Variants in LHFPL4 observed in about 807,000 individuals in gnomAD.
LHFPL4 encodes LHFPL tetraspan subfamily member 4, also known as LHFPL tetraspan subfamily member 4 protein.
Under a neutral mutation model 20.0 loss-of-function variants are expected in LHFPL4, and 6 were observed. That is an observed-to-expected ratio of 0.30 (90% CI 0.16 to 0.59). The LOEUF (loss-of-function observed/expected upper bound fraction) is 0.59, where lower values mean the gene tolerates loss of function less well. LHFPL4 is among the 20% of genes least tolerant of loss of function. The probability of loss-of-function intolerance (pLI) is 0.88; values close to 1 mark genes in which losing one functional copy is unlikely to be tolerated. For missense variants in LHFPL4, 215 were observed against 331.2 expected (o/e 0.65, Z 2.72); for synonymous variants, 129 against 143.8 (o/e 0.90, Z 0.74).
chr3:9,536,254 C>G (rs1280378088), intron 2 of LHFPL4, among the ~76,000 whole-genome samples: 1 of 152,232 alleles, frequency 6.6e-6, no homozygotes, highest in Non-Finnish European at 1.5e-5. Context: ...GAGCACTCAG[C>G]TCTGTTCCTG....
At chr3:9,533,656 C>A (rs533707044) in intron 2 of LHFPL4, among the ~76,000 whole-genome samples, 1 of 152,206 alleles carries the variant, frequency 6.6e-6, no homozygotes, top group South Asian at 2.1e-4. Flanking sequence ...GTGGCGGGCG[C>A]CTGTAGTCCC....
At chr3:9,538,429 G>C (rs1436511952) in intron 2 of LHFPL4, among the ~76,000 whole-genome samples, 2 of 152,138 alleles carry the variant, frequency 1.3e-5, no homozygotes, top group Non-Finnish European at 2.9e-5. Flanking sequence ...CCTTGTTCTA[G>C]CACAGGCCAT....
At chr3:9,512,988 T>G (rs2046271049) in intron 2 of LHFPL4, among the ~76,000 whole-genome samples, 1 of 152,186 alleles carries the variant, frequency 6.6e-6, no homozygotes. Flanking sequence ...AGACGGAGTC[T>G]CACTCAGTCG....
chr3:9,505,077 A>C (rs2046207617), intron 3 of LHFPL4, among the ~76,000 whole-genome samples: 1 of 151,926 alleles, frequency 6.6e-6, no homozygotes, highest in Non-Finnish European at 1.5e-5. Context: ...CCTCCTGTCC[A>C]TGGCCATTGG....
intron 2 of LHFPL4, among the ~76,000 whole-genome samples, chr3:9,523,992 C>A (rs369248488): frequency 2.6e-4 from 37 of 141,440 alleles, no homozygotes; most frequent in Admixed American, 1.5e-3. Context: ...TTCCCCCCCC[C>A]CCAACACTTT....
At position 9,500,224 on chromosome 3, in the gene LHFPL4, T is replaced by G. The variant is rs2046161755; in HGVS notation, c.*1987A>C. 1 of 152,354 alleles carries G rather than the reference T, an allele frequency of 6.6e-6. No individual in the cohort carries two copies. The highest frequency in any genetic ancestry group is 2.1e-4 in the South Asian group (1 of 4,802). 9.4% of individuals were successfully genotyped at this position (152,354 alleles called of 1,614,324 possible). A position where few individuals can be genotyped will look rare whatever the true frequency, so the allele number is the denominator to read the frequency against. On this transcript the variant is annotated 3_prime_UTR_variant, in exon 4 of 4. Transcript: ENST00000287585. The stretch of plus-strand genomic sequence containing the variant: ...TAACTCTGCTCTCCCCCTCCAACGC[T>G]GGGCTTGGTTTGCATCTTTGAGGAA...
At chr3:9,507,158 C>T (rs760196752) in intron 2 of LHFPL4, among the ~76,000 whole-genome samples, 2 of 152,256 alleles carry the variant, frequency 1.3e-5, no homozygotes, top group Non-Finnish European at 2.9e-5. Flanking sequence ...TGAAGTAATG[C>T]GTGCAAAACA....
intron 2 of LHFPL4, among the ~76,000 whole-genome samples, chr3:9,508,019 G>C (rs1329525377): frequency 6.6e-6 from 1 of 152,208 alleles, no homozygotes; most frequent in Non-Finnish European, 1.5e-5. Flanking sequence ...CCTGCACCAG[G>C]TCCACAGGGT....
rs1229916821 is a variant in LHFPL4, at chr3:9,553,773, G to A, written c.-257C>T. 1 of 150,672 alleles carries A rather than the reference G, an allele frequency of 6.6e-6. No individual in the cohort carries two copies. Among genetic ancestry groups the A allele is most frequent in the African/African-American group, 2.4e-5 (1 of 41,272 alleles). 9.3% of individuals were successfully genotyped at this position (150,672 alleles called of 1,614,324 possible). ...CCCAGCAGCGGCTGCCTCGGCCCAG[G>A]CGGCGGCCTCTGCGCGGCCTCCATC... On this transcript the variant is annotated 5_prime_UTR_variant, in exon 1 of 4. Coordinates refer to ENST00000287585, the MANE Select transcript of LHFPL4 (RefSeq NM_198560.3).
chr3:9,511,492 G>C (rs1355381838), intron 2 of LHFPL4, among the ~76,000 whole-genome samples: 3 of 152,162 alleles, frequency 2.0e-5, no homozygotes, highest in African/African-American at 7.2e-5. Flanking sequence ...AGCACAGATA[G>C]TTCCTTACTG....
In LHFPL4 at chr3:9,502,168, C is replaced by T. The variant is rs1176199944; in HGVS notation, c.*43G>A. 1 of 1,418,242 alleles carries T rather than the reference C, an allele frequency of 7.1e-7. No individual in the cohort carries two copies. Among genetic ancestry groups the T allele is most frequent in the African/African-American group, 1.4e-5 (1 of 71,020 alleles). 87.9% of individuals were successfully genotyped at this position (1,418,242 alleles called of 1,614,324 possible). On this transcript the variant is annotated 3_prime_UTR_variant, in exon 4 of 4. Transcript: ENST00000287585. ...AGTGACGAGAGGGCAGAAGGCAGGA[C>T]AAGCTGAGGTCAGGCCAATTACTGG... is the stretch of plus-strand genomic sequence containing the variant.
At chr3:9,516,957 T>C (rs1441583446) in intron 2 of LHFPL4, among the ~76,000 whole-genome samples, 4 of 151,412 alleles carry the variant, frequency 2.6e-5, no homozygotes, top group Non-Finnish European at 5.9e-5. Flanking sequence ...TTTTTTATAT[T>C]TTTAGTAGAG....
intron 2 of LHFPL4, among the ~76,000 whole-genome samples, chr3:9,550,370 G>C (rs563977214): frequency 6.6e-6 from 1 of 152,182 alleles, no homozygotes; most frequent in Admixed American, 6.5e-5. Flanking sequence ...AAGGACCCCC[G>C]GCTGTAGAAC....
intron 2 of LHFPL4, among the ~76,000 whole-genome samples, chr3:9,533,609 C>T (rs1235389056): frequency 6.6e-6 from 1 of 152,116 alleles, no homozygotes; most frequent in Non-Finnish European, 1.5e-5. Flanking sequence ...GATGAAACCC[C>T]GTCTCTACTA....
chr3:9,504,761 C>T (rs2046205203), intron 3 of LHFPL4, among the ~76,000 whole-genome samples: 1 of 150,096 alleles, frequency 6.7e-6, no homozygotes, highest in Non-Finnish European at 1.5e-5. Flanking sequence ...GGAGGTGGAG[C>T]TTGCAGTGAG....
intron 2 of LHFPL4, among the ~76,000 whole-genome samples, chr3:9,511,350 C>CAA (rs74730069): frequency 2.3e-4 from 28 of 122,202 alleles, no homozygotes; most frequent in East Asian, 9.4e-4. Flanking sequence ...GACTCCATCT[C>CAA]AAAAAAAAAA....
chr3:9,529,727 C>T (rs1408927602), intron 2 of LHFPL4, among the ~76,000 whole-genome samples: 3 of 152,014 alleles, frequency 2.0e-5, no homozygotes, highest in South Asian at 2.1e-4. Context: ...TTCTACCTCC[C>T]GGGTTCAAGC....
intron 2 of LHFPL4, among the ~76,000 whole-genome samples, chr3:9,544,581 G>C (rs757353704): frequency 1.3e-5 from 2 of 152,048 alleles, no homozygotes; most frequent in Non-Finnish European, 2.9e-5. Flanking sequence ...GCCGAGATCA[G>C]ACCACTGCAC....
chr3:9,522,356 T>A (rs1358548623), intron 2 of LHFPL4, among the ~76,000 whole-genome samples: 2 of 152,194 alleles, frequency 1.3e-5, no homozygotes, highest in Non-Finnish European at 2.9e-5. Flanking sequence ...ACTTTAAGCA[T>A]AAATAAGCGT....
Sources: gnomAD v4.1 joint callset for allele counts (sites outside exome capture counted in the v4.1 genomes callset) on GRCh38, gnomAD v4.1.1 for gene constraint, MANE v1.5 for transcripts, NCBI Gene and HGNC (gene_info 2026-07-23, HGNC 2026-07-21) for gene names.